Variants in SIK3 observed in about 807,000 individuals in gnomAD.
SIK3 encodes the protein serine/threonine-protein kinase SIK3.
Under a neutral mutation model 144.2 loss-of-function variants are expected in SIK3, and 28 were observed. The observed-to-expected ratio is 0.19, with a 90% CI of 0.14 to 0.27. The LOEUF is 0.27. Among genes scored for constraint, SIK3 ranks in the 10% least tolerant of loss-of-function variants. SIK3 has a pLI of 1.00. For synonymous variants in SIK3, 686 were observed against 676.3 expected (o/e 1.01, Z -0.22); for missense variants, 1,319 against 1,776.0 (o/e 0.74, Z 4.62).
intron 6 of SIK3, among the ~76,000 whole-genome samples, chr11:116,896,040 G>A (rs1213250082): frequency 6.6e-6 from 1 of 152,088 alleles, no homozygotes; most frequent in Non-Finnish European, 1.5e-5. Flanking sequence ...ACAGACTTAG[G>A]GCCCAGATTC....
intron 11 of SIK3, 63 bp from the exon 12 acceptor site, chr11:116,874,119 C>T (rs1944118803): frequency 5.2e-6 from 8 of 1,525,168 alleles, no homozygotes; most frequent in Non-Finnish European, 7.2e-6. Flanking sequence ...TGCTTATATC[C>T]CAAAACTGAT....
chr11:117,079,067 TTAAG>T (rs1170105956), intron 1 of SIK3, among the ~76,000 whole-genome samples: 4 of 151,964 alleles, frequency 2.6e-5, no homozygotes, highest in African/African-American at 9.7e-5. Flanking sequence ...TCAGAATGGA[TTAAG>T]TGTTTAATTG....
intron 1 of SIK3, among the ~76,000 whole-genome samples, chr11:117,033,415 A>G (rs1404507041): frequency 1.3e-5 from 2 of 152,186 alleles, no homozygotes; most frequent in Non-Finnish European, 1.5e-5. Flanking sequence ...AAATATAGAA[A>G]AAATAGCTGG....
chr11:116,906,356 C>T (rs569223086), intron 4 of SIK3, among the ~76,000 whole-genome samples: 79 of 152,098 alleles, frequency 5.2e-4, no homozygotes, highest in African/African-American at 1.9e-3. Flanking sequence ...ATTACTTTTT[C>T]TTTATGTCCT....
At chr11:116,901,679 G>GT (rs377190613) in intron 4 of SIK3, among the ~76,000 whole-genome samples, 20 of 151,694 alleles carry the variant, frequency 1.3e-4, no homozygotes, top group African/African-American at 4.8e-4. Context: ...ATCCTCTCTT[G>GT]TAAAGATCTA....
chr11:116,878,292 C>T (rs527611227), intron 6 of SIK3, among the ~76,000 whole-genome samples: 1 of 152,118 alleles, frequency 6.6e-6, no homozygotes, highest in Non-Finnish European at 1.5e-5. Flanking sequence ...CATATCACCA[C>T]TTTGCCTGTA....
intron 3 of SIK3, among the ~76,000 whole-genome samples, chr11:116,944,637 A>T (rs1306877426): frequency 6.6e-6 from 1 of 152,188 alleles, no homozygotes; most frequent in East Asian, 1.9e-4. Flanking sequence ...TGCATTTCGT[A>T]CTTCTCCTGG....
intron 1 of SIK3, among the ~76,000 whole-genome samples, chr11:117,055,770 T>C (rs1192471263): frequency 1.3e-5 from 2 of 152,236 alleles, no homozygotes; most frequent in African/African-American, 2.4e-5. Flanking sequence ...CATTAAGTCA[T>C]GAGGGTTCCT....
At position 116,873,770 on chromosome 11, in the gene SIK3, C is replaced by T. The variant is rs184810010; in HGVS notation, c.1581+133G>A. 133 of 1,465,942 alleles carry T rather than the reference C, an allele frequency of 9.1e-5. No individual in the cohort carries two copies. In the African/African-American group the frequency reaches 1.0e-3, roughly 11 times the overall value. The allele number at this position is 1,465,942 out of a possible 1,614,324, so 90.8% of individuals were successfully genotyped here. On this transcript the variant is annotated intron_variant, in intron 12 of 24. Coordinates refer to ENST00000445177, the MANE Select transcript of SIK3 (RefSeq NM_001366686.3). ...GACTAGAGGACGCTTCCCGCTCACCCGAGCTACTTTGCAAGATAAATCATC... is the reference window on the plus strand; with the variant it reads ...GACTAGAGGACGCTTCCCGCTCACCTGAGCTACTTTGCAAGATAAATCATC...
chr11:117,007,700 T>C (rs1951102349), intron 1 of SIK3, among the ~76,000 whole-genome samples: 1 of 152,166 alleles, frequency 6.6e-6, no homozygotes, highest in Middle Eastern at 3.2e-3. Flanking sequence ...TTTAGATAAT[T>C]TTTTTCTAGA....
At chr11:117,020,317 T>C (rs113384915) in intron 1 of SIK3, among the ~76,000 whole-genome samples, 2,056 of 147,702 alleles carry the variant, frequency 0.014, 40 homozygotes, top group African/African-American at 0.047. Context: ...CTAAGTGACT[T>C]TGGTTAAAAT....
intron 1 of SIK3, among the ~76,000 whole-genome samples, chr11:116,983,563 T>G (rs1340295685): frequency 2.0e-5 from 3 of 151,906 alleles, no homozygotes; most frequent in Non-Finnish European, 4.4e-5. Flanking sequence ...CAAGAATACA[T>G]CTGTATTTTA....
intron 1 of SIK3, among the ~76,000 whole-genome samples, chr11:116,959,194 C>A (rs564011827): frequency 3.3e-5 from 5 of 151,986 alleles, no homozygotes; most frequent in Non-Finnish European, 5.9e-5. Context: ...ATTAGCCGAG[C>A]ATGGTAGCAT....
At chr11:117,091,305 A>G (rs113110904) in intron 1 of SIK3, among the ~76,000 whole-genome samples, 3,104 of 149,502 alleles carry the variant, frequency 0.021, 113 homozygotes, top group African/African-American at 0.072. Context: ...CCTGGGTTCA[A>G]GCAATTCTCC....
chr11:116,891,783 G>C (rs1409310740), intron 6 of SIK3, among the ~76,000 whole-genome samples: 1 of 152,148 alleles, frequency 6.6e-6, no homozygotes, highest in African/African-American at 2.4e-5. Flanking sequence ...AGATTAGAGG[G>C]GGACAAGACT....
intron 1 of SIK3, among the ~76,000 whole-genome samples, chr11:117,073,408 A>T (rs894904659): frequency 7.2e-5 from 11 of 152,214 alleles, no homozygotes; most frequent in Admixed American, 3.9e-4. Context: ...TTGATGCCTA[A>T]TACCTGGTAT....
chr11:116,924,295 C>CAA lies in SIK3; in HGVS notation c.616+2922_616+2923dup, dbSNP rs34356087. 3.8e-5 allele frequency among the ~76,000 whole-genome samples: 4 copies of CAA among 105,390 alleles called. No individual in the cohort carries two copies. The East Asian group carries it at 7.8e-4, about 21-fold the overall frequency. 69.1% of individuals were successfully genotyped at this position (105,390 alleles called of 152,430 possible). A position where few individuals can be genotyped will look rare whatever the true frequency, so the allele number is the denominator to read the frequency against. ...TGGGCAACAGTGTGAGACTCCATCT[C>CAA]AAAAAAAAAAAAAGAAAAAAAAGAA... On this transcript the variant is annotated intron_variant, in intron 4 of 24. Coordinates refer to ENST00000445177, the MANE Select transcript of SIK3 (RefSeq NM_001366686.3).
chr11:116,893,226 T>C (rs1945222004), intron 6 of SIK3, among the ~76,000 whole-genome samples: 1 of 152,200 alleles, frequency 6.6e-6, no homozygotes, highest in Non-Finnish European at 1.5e-5. Context: ...AATGTGTCAA[T>C]GCATGTTCAT....
At chr11:117,078,683 G>A (rs557036877) in intron 1 of SIK3, among the ~76,000 whole-genome samples, 48 of 152,038 alleles carry the variant, frequency 3.2e-4, no homozygotes, top group Admixed American at 1.2e-3. Flanking sequence ...GATTATAGGC[G>A]TGAGCCACCA....
Sources: gnomAD v4.1 joint callset for allele counts (sites outside exome capture counted in the v4.1 genomes callset) on GRCh38, gnomAD v4.1.1 for gene constraint, MANE v1.5 for transcripts, NCBI Gene and HGNC (gene_info 2026-07-23, HGNC 2026-07-21) for gene names.